The following CSMD3 variants were observed in gnomAD, a reference collection of about 807,000 sequenced individuals.
The protein encoded by CSMD3 is CUB and Sushi multiple domains 3.
A neutral mutation model predicts 435.2 loss-of-function variants in CSMD3; 177 were observed. The observed-to-expected ratio is 0.41, with a 90% CI of 0.36 to 0.46. The LOEUF is 0.46. Among genes scored for constraint, CSMD3 ranks in the 20% least tolerant of loss-of-function variants. CSMD3 has a pLI of 0.34. For missense variants in CSMD3, 4,265 were observed against 4,504.6 expected, an observed-to-expected ratio of 0.95 and a Z score of 1.52; for synonymous variants, 1,656 against 1,520.5, an observed-to-expected ratio of 1.09 and a Z score of -2.07.
intron 13 of CSMD3, among the ~76,000 whole-genome samples, chr8:112,764,105 T>C (rs2077915926): frequency 6.6e-6 from 1 of 151,606 alleles, no homozygotes; most frequent in African/African-American, 2.4e-5. Context: ...AAGTGACATT[T>C]CAGCAATTTC....
At chr8:112,677,901 T>C (rs2075802851) in intron 16 of CSMD3, among the ~76,000 whole-genome samples, 1 of 152,172 alleles carries the variant, frequency 6.6e-6, no homozygotes, top group East Asian at 1.9e-4. Context: ...CTGAACTGCT[T>C]CACTGGCCTA....
chr8:112,532,956 G>A (rs1825680587), intron 27 of CSMD3, among the ~76,000 whole-genome samples: 1 of 152,030 alleles, frequency 6.6e-6, no homozygotes, highest in Non-Finnish European at 1.5e-5. Flanking sequence ...ATATGGGGAG[G>A]AGTATGAAAT....
chr8:113,192,072 G>A (rs1484206468), intron 3 of CSMD3, among the ~76,000 whole-genome samples: 2 of 151,494 alleles, frequency 1.3e-5, no homozygotes, highest in African/African-American at 4.8e-5. Context: ...TGTGTCTTTT[G>A]CCTATTTTAA....
chr8:112,870,818 T>C (rs930845088), intron 10 of CSMD3, among the ~76,000 whole-genome samples: 7 of 150,956 alleles, frequency 4.6e-5, no homozygotes, highest in African/African-American at 1.7e-4. Flanking sequence ...GATTATATTC[T>C]AGAAAAAAAA....
At chr8:113,111,467 AC>A (rs984439645) in intron 4 of CSMD3, among the ~76,000 whole-genome samples, 5 of 152,014 alleles carry the variant, frequency 3.3e-5, no homozygotes, top group African/African-American at 1.2e-4. Flanking sequence ...GAAACTTTTT[AC>A]CTTTTAGCCA....
chr8:112,879,885 A>G (rs1309347618), intron 10 of CSMD3, among the ~76,000 whole-genome samples: 1 of 151,992 alleles, frequency 6.6e-6, no homozygotes. Flanking sequence ...ATACATGGAT[A>G]CAGGAAGGGG....
chr8:112,952,985 G>A (rs1277407756), intron 8 of CSMD3, among the ~76,000 whole-genome samples: 1 of 151,174 alleles, frequency 6.6e-6, no homozygotes, highest in African/African-American at 2.4e-5. Context: ...TATACCAACA[G>A]GGATATAGAG....
chr8:113,176,292 G>C (rs532090195), intron 3 of CSMD3, among the ~76,000 whole-genome samples: 3 of 152,138 alleles, frequency 2.0e-5, no homozygotes, highest in Admixed American at 6.6e-5. Context: ...AATTCATAAA[G>C]ACAGTTAAGA....
At chr8:112,978,627 G>C (rs2130949736) in intron 6 of CSMD3, among the ~76,000 whole-genome samples, 1 of 152,090 alleles carries the variant, frequency 6.6e-6, no homozygotes, top group African/African-American at 2.4e-5. Context: ...ATTTGGGACA[G>C]TGTTTAAGGT....
intron 5 of CSMD3, among the ~76,000 whole-genome samples, chr8:113,060,916 C>T (rs2088584694): frequency 6.6e-6 from 1 of 152,140 alleles, no homozygotes; most frequent in Admixed American, 6.6e-5. Flanking sequence ...ATTGCCAACA[C>T]CAATAATACC....
intron 4 of CSMD3, among the ~76,000 whole-genome samples, chr8:113,101,017 G>T (rs1025136631): frequency 1.3e-5 from 2 of 152,002 alleles, no homozygotes; most frequent in East Asian, 3.9e-4. Flanking sequence ...GCCTCCTGGG[G>T]TTACAAGTAG....
rs148300155 is a variant in CSMD3, at chr8:112,346,899, T to C, written c.6326-686A>G. 4.9e-3 allele frequency among the ~76,000 whole-genome samples: 741 copies of C among 152,060 alleles called. 5 individuals carry two copies. The highest frequency in any genetic ancestry group is 0.017 in the African/African-American group (686 of 41,478). ...TTTCATTGTGTTAGCCAGGATGGTCTTGATCTCCTGACCTCGTGATCCGCC... is the reference window on the plus strand; with the variant it reads ...TTTCATTGTGTTAGCCAGGATGGTCCTGATCTCCTGACCTCGTGATCCGCC... On this transcript the variant is annotated intron_variant, in intron 40 of 70. Transcript: ENST00000297405.
rs866563253 is a variant in CSMD3 at position 113,196,446 on chromosome 8, A to C, written c.515-22530T>G. 3.3e-5 allele frequency among the ~76,000 whole-genome samples: 5 copies of C among 151,356 alleles called. No individual in the cohort carries two copies. In the Middle Eastern group the frequency reaches 0.01, roughly 309 times the overall value. On this transcript the variant is annotated intron_variant, in intron 3 of 70. Transcript: ENST00000297405. ...CTGTTATATAGACAAATGGACACAA[A>C]GCTTTAAAGACATTTTGGGGCCAGA... is the stretch of plus-strand genomic sequence containing the variant.
Position 112,791,324 on chromosome 8 carries a change from A to G in CSMD3, c.1972+8838T>C, listed in dbSNP as rs1474765838. On this transcript the variant is annotated intron_variant, in intron 13 of 70. Coordinates refer to ENST00000297405, the MANE Select transcript of CSMD3 (RefSeq NM_198123.2). The stretch of plus-strand genomic sequence containing the variant: ...GTGACAGAGGCATATCCTGTGAAAA[A>G]AAAAAAAAAAAAAAAAGGAACTAAT... 3.4e-5 allele frequency among the ~76,000 whole-genome samples: 5 copies of G among 147,896 alleles called. 1 individual carries two copies. The highest frequency in any genetic ancestry group is 4.3e-4 in the South Asian group (2 of 4,702).
At chr8:112,355,836 AAATAAATAGAT>A (rs1826550248) in intron 38 of CSMD3, among the ~76,000 whole-genome samples, 1 of 152,094 alleles carries the variant, frequency 6.6e-6, no homozygotes, top group Non-Finnish European at 1.5e-5. Context: ...CTGTCAAAAA[AAATAAATAGAT>A]AAAAAATAAA....
intron 4 of CSMD3, among the ~76,000 whole-genome samples, chr8:113,104,325 C>T (rs549071751): frequency 1.5e-4 from 23 of 152,220 alleles, no homozygotes; most frequent in Admixed American, 2.6e-4. Flanking sequence ...TCCATCAGCA[C>T]TCAAGTGAAA....
At chr8:112,231,663 G>C (rs756745702) in intron 68 of CSMD3, 31 bp from the exon 69 acceptor site, 2 of 1,209,456 alleles carry the variant, frequency 1.7e-6, no homozygotes, top group Non-Finnish European at 2.5e-6. Context: ...AAATATACTT[G>C]AATACTGGCC....
At chr8:113,160,618 A>G (rs1288210279) in intron 4 of CSMD3, among the ~76,000 whole-genome samples, 1 of 151,952 alleles carries the variant, frequency 6.6e-6, no homozygotes, top group Non-Finnish European at 1.5e-5. Flanking sequence ...CTTTGAGTCC[A>G]CAGCCTATAA....
intron 6 of CSMD3, among the ~76,000 whole-genome samples, chr8:113,005,654 A>G (rs2086028968): frequency 6.6e-6 from 1 of 152,100 alleles, no homozygotes; most frequent in Non-Finnish European, 1.5e-5. Context: ...CATTTTCATT[A>G]TGAGTAAATT....
Sources: gnomAD v4.1 joint callset for allele counts (sites outside exome capture counted in the v4.1 genomes callset) on GRCh38, gnomAD v4.1.1 for gene constraint, MANE v1.5 for transcripts, NCBI Gene and HGNC (gene_info 2026-07-23, HGNC 2026-07-21) for gene names.